Variants in TENT2 observed in about 807,000 individuals in gnomAD.
TENT2 encodes the protein terminal nucleotidyltransferase 2, also known as poly(A) RNA polymerase GLD2.
In TENT2, 44 loss-of-function variants were observed where a neutral mutation model predicts 72.2. The observed-to-expected ratio is 0.61, with a 90% CI of 0.48 to 0.78. The LOEUF is 0.78. Ranked by LOEUF, TENT2 falls within the 30% of genes least tolerant of loss-of-function variation. TENT2 has a pLI of 0.00. For synonymous variants in TENT2, 212 were observed against 192.5 expected (o/e 1.10, Z -0.84); for missense variants, 541 against 569.6 (o/e 0.95, Z 0.51).
At chr5:79,614,833 G>T (rs1466693015) in intron 1 of TENT2, among the ~76,000 whole-genome samples, 1 of 152,032 alleles carries the variant, frequency 6.6e-6, no homozygotes. Flanking sequence ...TAATTGTTTT[G>T]ATGTCATTTT....
intron 6 of TENT2, among the ~76,000 whole-genome samples, chr5:79,641,431 C>G (rs1016180464): frequency 1.4e-5 from 2 of 141,116 alleles, no homozygotes; most frequent in African/African-American, 5.6e-5. Flanking sequence ...GATGGCTTCA[C>G]TATGTGTTTT....
intron 3 of TENT2, among the ~76,000 whole-genome samples, chr5:79,620,804 G>C (rs906058362): frequency 1.3e-5 from 2 of 152,090 alleles, no homozygotes; most frequent in African/African-American, 2.4e-5. Flanking sequence ...TTTCTTTCTA[G>C]TAAACTTTAT....
At chr5:79,684,246 A>G (rs1824787622) in intron 14 of TENT2, among the ~76,000 whole-genome samples, 2 of 152,218 alleles carry the variant, frequency 1.3e-5, no homozygotes, top group Admixed American at 1.3e-4. Flanking sequence ...AGAGGCATAC[A>G]TAAAGTGCCT....
Position 79,626,625 on chromosome 5 carries a change from A to C in TENT2, c.465+3136A>C, listed in dbSNP as rs868356594. Among the ~76,000 whole-genome samples the C allele has an allele frequency of 3.7e-5, 5 of 134,460 alleles. No individual in the cohort carries two copies. The East Asian group carries it at 1.1e-3, about 30-fold the overall frequency. The allele number at this position is 134,460 out of a possible 152,430, so 88.2% of individuals were successfully genotyped here. ...CCCGGCCACCTGGCTAATGTTTTTA[A>C]TTTTTTTTTTTTTTTTGGTAGAGCC... On this transcript the variant is annotated intron_variant, in intron 4 of 14. Coordinates refer to ENST00000453514, the MANE Select transcript of TENT2 (RefSeq NM_001114394.3).
chr5:79,654,455 G>T (rs866811710), intron 10 of TENT2, among the ~76,000 whole-genome samples: 36 of 151,688 alleles, frequency 2.4e-4, no homozygotes, highest in African/African-American at 7.7e-4. Context: ...AATGAAAAAG[G>T]TAAGATCATC....
At chr5:79,637,386 T>C (rs756607299) in intron 4 of TENT2, among the ~76,000 whole-genome samples, 1 of 152,154 alleles carries the variant, frequency 6.6e-6, no homozygotes, top group East Asian at 1.9e-4. Flanking sequence ...CCTCCTGTTA[T>C]TTGTCTTTGA....
chr5:79,642,498 G>T (rs1313076078), intron 6 of TENT2, among the ~76,000 whole-genome samples: 1 of 151,976 alleles, frequency 6.6e-6, no homozygotes, highest in Non-Finnish European at 1.5e-5. Flanking sequence ...TCTAAATAGG[G>T]CTAAAATTCT....
chr5:79,654,692 A>G (rs1796656607), intron 10 of TENT2, among the ~76,000 whole-genome samples: 1 of 152,048 alleles, frequency 6.6e-6, no homozygotes. Flanking sequence ...TGAATTCGGG[A>G]GGTGGAGGCT....
At chr5:79,654,431 C>CA (rs879916353) in intron 10 of TENT2, among the ~76,000 whole-genome samples, 141 of 135,728 alleles carry the variant, frequency 1.0e-3, no homozygotes, top group Middle Eastern at 3.8e-3. Context: ...AACTCTGTCT[C>CA]AAAAAAAAAA....
intron 4 of TENT2, among the ~76,000 whole-genome samples, chr5:79,628,581 T>G (rs1455878842): frequency 6.6e-6 from 1 of 152,016 alleles, no homozygotes; most frequent in Non-Finnish European, 1.5e-5. Context: ...AATAACTGAG[T>G]GTAGAAGAGA....
chr5:79,663,760 G>A (rs1251198263), intron 11 of TENT2, among the ~76,000 whole-genome samples: 1 of 152,182 alleles, frequency 6.6e-6, no homozygotes, highest in Non-Finnish European at 1.5e-5. Flanking sequence ...GTGGAACACA[G>A]AGACCTGAAG....
chr5:79,625,878 G>A (rs1161119573), intron 4 of TENT2, among the ~76,000 whole-genome samples: 1 of 151,890 alleles, frequency 6.6e-6, no homozygotes, highest in Non-Finnish European at 1.5e-5. Context: ...CGCCCAGGCT[G>A]GAGTGCAGTG....
chr5:79,652,800 A>G (rs942075673), intron 10 of TENT2, among the ~76,000 whole-genome samples: 5 of 152,088 alleles, frequency 3.3e-5, no homozygotes, highest in African/African-American at 7.2e-5. Flanking sequence ...TTTTTGTCCA[A>G]TTTTACAAAA....
At chr5:79,616,860 G>A (rs1276585322) in intron 1 of TENT2, among the ~76,000 whole-genome samples, 1 of 152,064 alleles carries the variant, frequency 6.6e-6, no homozygotes, top group African/African-American at 2.4e-5. Flanking sequence ...GTCTGATGAT[G>A]GTTCATAGAA....
Position 79,687,112 on chromosome 5 carries a change from A to C in TENT2, c.*1839A>C, listed in dbSNP as rs948333704. Among the ~76,000 whole-genome samples, 1 of 120,624 alleles carries C rather than the reference A, an allele frequency of 8.3e-6. No individual in the cohort carries two copies. The highest frequency in any genetic ancestry group is 3.3e-5 in the African/African-American group (1 of 30,562). The allele number at this position is 120,624 out of a possible 152,430, so 79.1% of individuals were successfully genotyped here. A position where few individuals can be genotyped will look rare whatever the true frequency, so the allele number is the denominator to read the frequency against. On this transcript the variant is annotated 3_prime_UTR_variant, in exon 15 of 15. Coordinates refer to ENST00000453514, the MANE Select transcript of TENT2 (RefSeq NM_001114394.3). The stretch of plus-strand genomic sequence containing the variant: ...CACTGTCACTGTTTTCTCAGTTTTC[A>C]GTGGCCCCACACTTACTACTGCTTT...
At position 79,619,771 on chromosome 5, in the gene TENT2, C is replaced by T; in HGVS notation, c.123C>T (p.Asn41=). 6.2e-7 allele frequency: 1 copy of T among 1,612,982 alleles called. No individual in the cohort carries two copies. Among genetic ancestry groups the T allele is most frequent in the Non-Finnish European group, 8.5e-7 (1 of 1,179,514 alleles). Residue 41 remains asparagine, a synonymous_variant, in exon 2 of 15, where the codon AAC becomes AAT. Transcript: ENST00000453514. ...AGCAGCTTATAGATGCACAATTCAA[C>T]TTTCAGAATGCAGAGTGAGTATGGT... ...SHQQLIDAQF[N]FQNADLSRAV...
intron 13 of TENT2, among the ~76,000 whole-genome samples, chr5:79,680,625 ATTC>A (rs1343947203): frequency 2.0e-5 from 3 of 152,098 alleles, no homozygotes; most frequent in Non-Finnish European, 2.9e-5. Flanking sequence ...CAGACTCCCT[ATTC>A]TTCCGTACTT....
chr5:79,651,446 G>C (rs969631838), intron 10 of TENT2, among the ~76,000 whole-genome samples: 3 of 143,310 alleles, frequency 2.1e-5, no homozygotes, highest in African/African-American at 8.5e-5. Flanking sequence ...TTAAGTATTA[G>C]AACCAAAAAA....
intron 14 of TENT2, 134 bp from the exon 15 acceptor site, chr5:79,685,065 G>GA: frequency 5.5e-6 from 4 of 726,644 alleles, no homozygotes; most frequent in Non-Finnish European, 8.9e-6. Context: ...CTCAAAAAAA[G>GA]AAAAAATTTG....
Sources: allele counts gnomAD v4.1 joint callset (sites outside exome capture counted in the v4.1 genomes callset), GRCh38; gene constraint gnomAD v4.1.1; transcripts MANE v1.5; gene names NCBI Gene and HGNC (gene_info 2026-07-23, HGNC 2026-07-21).